NXPH1: variants seen among roughly 807,000 people sequenced by gnomAD.
NXPH1 encodes the protein neurexophilin 1, also known as neurexophilin-1.
NXPH1 carries 5 observed loss-of-function variants against 23.7 expected under a neutral mutation model. The observed-to-expected ratio is 0.21, with a 90% CI of 0.11 to 0.44. The LOEUF (loss-of-function observed/expected upper bound fraction) is 0.44. Ranked by LOEUF, NXPH1 falls within the 20% of genes least tolerant of loss-of-function variation. NXPH1 has a pLI of 0.99. For missense variants in NXPH1, 324 were observed against 321.6 expected (o/e 1.01, Z -0.06); for synonymous variants, 144 against 122.2 (o/e 1.18, Z -1.18).
intron 2 of NXPH1, among the ~76,000 whole-genome samples, chr7:8,737,597 A>T (rs1368864388): frequency 6.6e-6 from 1 of 152,056 alleles, no homozygotes; most frequent in South Asian, 2.1e-4. Context: ...GGTGAATCTG[A>T]CAATTATGTG....
intron 2 of NXPH1, among the ~76,000 whole-genome samples, chr7:8,609,523 C>T (rs115967048): frequency 7.6e-4 from 115 of 152,192 alleles, no homozygotes; most frequent in African/African-American, 2.5e-3. Context: ...ATGACTGTGA[C>T]GTACTTTGAG....
At chr7:8,515,889 C>G (rs574560672) in intron 2 of NXPH1, among the ~76,000 whole-genome samples, 14 of 152,240 alleles carry the variant, frequency 9.2e-5, no homozygotes, top group South Asian at 2.1e-4. Context: ...TTACTCATTA[C>G]TCTGCTATCT....
chr7:8,648,424 T>C (rs1225584727), intron 2 of NXPH1, among the ~76,000 whole-genome samples: 36 of 152,224 alleles, frequency 2.4e-4, no homozygotes, highest in Non-Finnish European at 4.7e-4. Flanking sequence ...TGTTTGTTTT[T>C]CTGTGTCTGG....
chr7:8,447,251 A>AT (rs533436596), intron 2 of NXPH1, among the ~76,000 whole-genome samples: 45 of 152,222 alleles, frequency 3.0e-4, no homozygotes, highest in Non-Finnish European at 5.6e-4. Flanking sequence ...TTACTCACAT[A>AT]TTTTTTTCCA....
intron 2 of NXPH1, among the ~76,000 whole-genome samples, chr7:8,606,337 C>A (rs1819491161): frequency 6.6e-6 from 1 of 152,104 alleles, no homozygotes; most frequent in East Asian, 1.9e-4. Flanking sequence ...TAACCCCTAA[C>A]CACATACAAC....
chr7:8,667,644 T>G (rs1309414872), intron 2 of NXPH1, among the ~76,000 whole-genome samples: 2 of 152,122 alleles, frequency 1.3e-5, no homozygotes. Context: ...TTTGGCAGAT[T>G]GTTTATAATA....
chr7:8,641,616 T>C (rs77187954), intron 2 of NXPH1, among the ~76,000 whole-genome samples: 7,211 of 152,234 alleles, frequency 0.047, 380 homozygotes, highest in East Asian at 0.17. Context: ...GTTTCCTTTT[T>C]CTTTTTTAAA....
At chr7:8,618,043 A>T (rs1211219541) in intron 2 of NXPH1, among the ~76,000 whole-genome samples, 1 of 152,154 alleles carries the variant, frequency 6.6e-6, no homozygotes, top group Non-Finnish European at 1.5e-5. Context: ...GTAAATTAAA[A>T]AAACTTCCAG....
chr7:8,466,092 A>G (rs973187554), intron 2 of NXPH1, among the ~76,000 whole-genome samples: 3 of 152,176 alleles, frequency 2.0e-5, no homozygotes, highest in Admixed American at 1.3e-4. Flanking sequence ...GGGATTTGGT[A>G]CTGTTGGCTT....
chr7:8,507,827 A>C (rs1209090770), intron 2 of NXPH1, among the ~76,000 whole-genome samples: 1 of 152,138 alleles, frequency 6.6e-6, no homozygotes, highest in African/African-American at 2.4e-5. Context: ...TTTGTTTGGC[A>C]TAAATTGCTA....
intron 2 of NXPH1, among the ~76,000 whole-genome samples, chr7:8,536,244 A>G (rs1042334698): frequency 6.6e-6 from 1 of 152,074 alleles, no homozygotes; most frequent in Non-Finnish European, 1.5e-5. Context: ...ACTCACTCAC[A>G]TGTATCAACG....
intron 2 of NXPH1, among the ~76,000 whole-genome samples, chr7:8,638,567 G>C (rs906197926): frequency 6.6e-6 from 1 of 152,190 alleles, no homozygotes; most frequent in African/African-American, 2.4e-5. Flanking sequence ...TTTAAGGATT[G>C]ATTGTTGTAT....
chr7:8,626,998 G>A (rs1383101008), intron 2 of NXPH1, among the ~76,000 whole-genome samples: 2 of 152,004 alleles, frequency 1.3e-5, no homozygotes, highest in Admixed American at 6.6e-5. Flanking sequence ...TCCTGTGAAC[G>A]CCTCTGACTT....
chr7:8,670,417 G>T (rs1348754964), intron 2 of NXPH1, among the ~76,000 whole-genome samples: 1 of 152,062 alleles, frequency 6.6e-6, no homozygotes, highest in Non-Finnish European at 1.5e-5. Flanking sequence ...ATATAAAATT[G>T]AACTTCACTA....
chr7:8,484,048 C>A (rs1817118822), intron 2 of NXPH1, among the ~76,000 whole-genome samples: 2 of 148,976 alleles, frequency 1.3e-5, no homozygotes, highest in African/African-American at 5.1e-5. Flanking sequence ...CCATTTGCTT[C>A]AGTAAGCCTT....
chr7:8,743,674 C>CT (rs908046033), intron 2 of NXPH1, among the ~76,000 whole-genome samples: 23 of 141,872 alleles, frequency 1.6e-4, no homozygotes, highest in Admixed American at 3.6e-4. Context: ...TGTGGCAACT[C>CT]TTTTTTTTTC....
chr7:8,543,948 C>A, intron 2 of NXPH1, among the ~76,000 whole-genome samples: 1 of 151,492 alleles, frequency 6.6e-6, no homozygotes, highest in African/African-American at 2.4e-5. Flanking sequence ...TCGGTTCTCT[C>A]TTATTTTTTC....
intron 2 of NXPH1, among the ~76,000 whole-genome samples, chr7:8,559,497 C>T (rs1416152544): frequency 6.6e-6 from 1 of 151,562 alleles, no homozygotes; most frequent in Non-Finnish European, 1.5e-5. Flanking sequence ...CTTTTGGTTC[C>T]TATTTTCTCC....
At chr7:8,741,929 A>C (rs1203305288) in intron 2 of NXPH1, among the ~76,000 whole-genome samples, 1 of 152,172 alleles carries the variant, frequency 6.6e-6, no homozygotes, top group African/African-American at 2.4e-5. Flanking sequence ...CATCTTTCAA[A>C]TATTCTTAAG....
Sources: gnomAD v4.1 joint callset for allele counts (sites outside exome capture counted in the v4.1 genomes callset) on GRCh38, gnomAD v4.1.1 for gene constraint, MANE v1.5 for transcripts, NCBI Gene and HGNC (gene_info 2026-07-23, HGNC 2026-07-21) for gene names.